LMAN2: variants seen among roughly 807,000 people sequenced by gnomAD.
The protein encoded by LMAN2 is lectin, mannose binding 2, also known as vesicular integral-membrane protein VIP36.
Under a neutral mutation model 39.3 loss-of-function variants are expected in LMAN2, and 22 were observed. The observed-to-expected ratio is 0.56, with a 90% CI of 0.40 to 0.80. LMAN2 has a LOEUF of 0.80. Ranked by LOEUF, LMAN2 falls within the 30% of genes least tolerant of loss-of-function variation. The pLI is 0.00. For missense variants in LMAN2, 494 were observed against 505.4 expected (o/e 0.98, Z 0.22); for synonymous variants, 207 against 207.8 (o/e 1.00, Z 0.03).
At chr5:177,338,877 G>A (rs1761513455) in intron 2 of LMAN2, among the ~76,000 whole-genome samples, 1 of 152,242 alleles carries the variant, frequency 6.6e-6, no homozygotes, top group African/African-American at 2.4e-5. Flanking sequence ...ACCTCAGGCT[G>A]CTCCTGAGTA....
At chr5:177,340,673 G>C (rs1449899475) in intron 2 of LMAN2, among the ~76,000 whole-genome samples, 2 of 152,170 alleles carry the variant, frequency 1.3e-5, no homozygotes, top group South Asian at 4.1e-4. Context: ...GGGAGGCTGA[G>C]GCGGGAGAAC....
intron 2 of LMAN2, among the ~76,000 whole-genome samples, chr5:177,339,107 G>A (rs1270405638): frequency 2.0e-5 from 3 of 152,242 alleles, no homozygotes; most frequent in African/African-American, 7.2e-5. Flanking sequence ...GACTCCGAGA[G>A]CTCTGCTCAG....
Position 177,337,523 on chromosome 5 carries a change from C to G in LMAN2, c.515G>C (p.Arg172Pro). 6.2e-7 allele frequency: 1 copy of G among 1,613,738 alleles called. No homozygotes were observed. The highest frequency in any genetic ancestry group is 8.5e-7 in the Non-Finnish European group (1 of 1,179,740). Reference protein sequence around the residue: ...DTYPNDETTERVFPYISVMVN... With the variant: ...DTYPNDETTEPVFPYISVMVN... Reference sequence around the variant, plus strand: ...CATCACCGAGATGTACGGGAACACGCGCTGGGACCAAGACATCGGTTACTC... The same window carrying G: ...CATCACCGAGATGTACGGGAACACGGGCTGGGACCAAGACATCGGTTACTC... The change falls in exon 5 of 8, where the codon CGC (arginine) becomes CCC (proline). Residue 172 changes from arginine to proline, a missense_variant and splice_region_variant. Arg to Pro is a moderately radical substitution (Grantham distance 103). Coordinates refer to ENST00000303127, the MANE Select transcript of LMAN2 (RefSeq NM_006816.3). The surrounding 1 kb of genome is among the most constrained non-coding windows in gnomAD (Gnocchi z 8.2).
intron 2 of LMAN2, among the ~76,000 whole-genome samples, chr5:177,348,702 A>AG (rs1238459063): frequency 1.5e-4 from 22 of 150,126 alleles, no homozygotes; most frequent in African/African-American, 5.4e-4. Context: ...AAAAAAAAAA[A>AG]AAAAAAAAAA....
intron 2 of LMAN2, among the ~76,000 whole-genome samples, chr5:177,348,102 T>TG (rs984256179): frequency 1.3e-5 from 2 of 151,714 alleles, no homozygotes; most frequent in South Asian, 2.1e-4. Flanking sequence ...CAGATGGGGG[T>TG]GGGGGGTGAC....
intron 2 of LMAN2, among the ~76,000 whole-genome samples, chr5:177,350,572 T>C (rs990566626): frequency 1.3e-5 from 2 of 152,100 alleles, no homozygotes; most frequent in African/African-American, 2.4e-5. Flanking sequence ...TTCTAAGGGG[T>C]TCCTCCACTG....
chr5:177,336,425 A>C (rs998239335), intron 6 of LMAN2, among the ~76,000 whole-genome samples: 2 of 152,200 alleles, frequency 1.3e-5, no homozygotes, highest in African/African-American at 4.8e-5. Flanking sequence ...GAAGGCGATT[A>C]CACGGCTGCT....
At chr5:177,348,309 C>T (rs1217053582) in intron 2 of LMAN2, among the ~76,000 whole-genome samples, 3 of 152,064 alleles carry the variant, frequency 2.0e-5, no homozygotes, top group Non-Finnish European at 4.4e-5. Flanking sequence ...ATATGGTAGG[C>T]TAATGAATAA....
intron 2 of LMAN2, chr5:177,346,260 C>A: frequency 8.3e-6 from 2 of 240,706 alleles, no homozygotes; most frequent in South Asian, 1.8e-4. Context: ...CTTCGAGAAT[C>A]ACCACAAGAA....
At chr5:177,351,044 T>A in intron 2 of LMAN2, 129 bp downstream of exon 2, 1 of 789,732 alleles carries the variant, frequency 1.3e-6, no homozygotes, top group East Asian at 2.5e-5. Flanking sequence ...TTGGTGGGTG[T>A]GACCGAGATG....
rs200683893 is a variant in LMAN2 at position 177,337,684 on chromosome 5, G to A, written c.513+22C>T. On this transcript the variant is annotated intron_variant, in intron 4 of 7. Coordinates refer to ENST00000303127, the MANE Select transcript of LMAN2 (RefSeq NM_006816.3). This position sits in a 1 kb window ranked among gnomAD's most constrained non-coding sequence, Gnocchi z 8.2. ...TGCCCAGTCCTTCCTTTCCTGCTCA[G>A]CAGGATAGAGCAGGGGCCTACCTCA... 2.1e-4 allele frequency: 339 copies of A among 1,612,108 alleles called. 1 individual carries two copies. In the East Asian group the frequency reaches 7.4e-3, roughly 35 times the overall value.
intron 6 of LMAN2, 35 bp from the exon 7 acceptor site, chr5:177,334,438 A>C (rs1411153638): frequency 6.3e-7 from 1 of 1,596,262 alleles, no homozygotes; most frequent in East Asian, 2.2e-5. Context: ...GACAGCCTAC[A>C]GGCCAGCCGC....
At chr5:177,345,516 A>G (rs1284633710) in intron 2 of LMAN2, among the ~76,000 whole-genome samples, 1 of 152,096 alleles carries the variant, frequency 6.6e-6, no homozygotes, top group African/African-American at 2.4e-5. Context: ...TATACCATTT[A>G]TAAGAGAAAA....
In LMAN2 at chr5:177,342,359, A is replaced by G. The variant is rs542092034; in HGVS notation, c.316-3754T>C. Among the ~76,000 whole-genome samples the G allele has an allele frequency of 5.3e-5, 8 of 152,160 alleles. No homozygotes were observed. The East Asian group carries it at 1.5e-3, about 29-fold the overall frequency. On this transcript the variant is annotated intron_variant, in intron 2 of 7. Coordinates refer to ENST00000303127, the MANE Select transcript of LMAN2 (RefSeq NM_006816.3). ...CATCTCTATAAAAAAAAATAATAATAAGTATATAAAGATCAGAGATCTAAA... is the reference window on the plus strand; with the variant it reads ...CATCTCTATAAAAAAAAATAATAATGAGTATATAAAGATCAGAGATCTAAA...
chr5:177,351,301 G>A lies in LMAN2; in HGVS notation c.197-10C>T, dbSNP rs1215921362. ...GAGCTGGAACCGACCCCTGTGGGAA[G>A]AGACAGGTGCTAAGAGGCCACGCCA... On this transcript the variant is annotated splice_polypyrimidine_tract_variant and intron_variant, in intron 1 of 7. Transcript: ENST00000303127. 1.2e-6 allele frequency: 2 copies of A among 1,613,588 alleles called. No individual in the cohort carries two copies. Among genetic ancestry groups the A allele is most frequent in the Non-Finnish European group, 8.5e-7 (1 of 1,179,890 alleles).
At chr5:177,347,101 T>G (rs1188806698) in intron 2 of LMAN2, among the ~76,000 whole-genome samples, 2 of 152,278 alleles carry the variant, frequency 1.3e-5, no homozygotes, top group East Asian at 1.9e-4. Context: ...AAAATAGCCC[T>G]CATATATTTG....
intron 2 of LMAN2, among the ~76,000 whole-genome samples, chr5:177,344,194 C>T (rs771975522): frequency 6.7e-5 from 10 of 150,114 alleles, no homozygotes; most frequent in Admixed American, 2.0e-4. Flanking sequence ...CTCCAGCCTC[C>T]GTGACAAAGT....
intron 2 of LMAN2, among the ~76,000 whole-genome samples, chr5:177,344,174 C>T (rs1484859538): frequency 6.6e-6 from 1 of 151,248 alleles, no homozygotes; most frequent in East Asian, 1.9e-4. Context: ...GCTAGGATTG[C>T]ACCACTGCAC....
At chr5:177,348,034 T>C (rs1021212672) in intron 2 of LMAN2, among the ~76,000 whole-genome samples, 7 of 152,134 alleles carry the variant, frequency 4.6e-5, no homozygotes, top group Non-Finnish European at 1.0e-4. Flanking sequence ...TTCATGTACA[T>C]AAAAACAAAA....
Sources: gnomAD v4.1 joint callset for allele counts (sites outside exome capture counted in the v4.1 genomes callset) on GRCh38, gnomAD v4.1.1 for gene constraint, Gnocchi (gnomAD v3.1) non-coding constraint, MANE v1.5 for transcripts, NCBI Gene and HGNC (gene_info 2026-07-23, HGNC 2026-07-21) for gene names.